Variants in DGKK observed in about 807,000 individuals in gnomAD.
The protein encoded by DGKK is 142 kDa diacylglycerol kinase.
A neutral mutation model predicts 92.2 loss-of-function variants in DGKK; 35 were observed. The ratio of observed to expected loss-of-function variants is 0.38; its 90% CI spans 0.29 to 0.50. The LOEUF is 0.50. Among genes scored for constraint, DGKK ranks in the 20% least tolerant of loss-of-function variants. DGKK has a pLI of 0.92. For synonymous variants in DGKK, 368 were observed against 360.6 expected, an observed-to-expected ratio of 1.02 and a Z score of -0.23; for missense variants, 910 against 992.2, an observed-to-expected ratio of 0.92 and a Z score of 1.11.
At chrX:50,403,027 A>C (rs1557226807) in intron 7 of DGKK, 34 bp downstream of exon 7, 3 of 1,201,878 alleles carry the variant, frequency 2.5e-6, no homozygotes, top group African/African-American at 1.8e-5. Context: ...CCAGGAGTTA[A>C]GTTCTCTAAA....
Position 50,378,223 on chromosome X carries a change from C to A in DGKK, c.2986G>T (p.Val996Leu), listed in dbSNP as rs367689666. ...HHHRIAQCHE[V>L]MITIDGEEGI... ...TCTTCACCATCAATGGTTATCATCACCTCATGGCACTGCCAGAGAAAATGA... is the reference window on the plus strand; with the variant it reads ...TCTTCACCATCAATGGTTATCATCAACTCATGGCACTGCCAGAGAAAATGA... The change falls in exon 22 of 28, where the codon GTG (valine) becomes TTG (leucine). Residue 996 changes from valine to leucine, a missense_variant. Physicochemically the swap from Val to Leu is conservative, Grantham distance 32. Transcript: ENST00000611977. 7 of 1,206,688 alleles carry A rather than the reference C, an allele frequency of 5.8e-6. No individual in the cohort carries two copies. In the African/African-American group the frequency reaches 1.1e-4, roughly 18 times the overall value.
intron 1 of DGKK, among the ~76,000 whole-genome samples, chrX:50,442,412 G>A (rs907173393): frequency 1.8e-5 from 2 of 111,148 alleles, no homozygotes; most frequent in African/African-American, 3.3e-5. Context: ...TAACAATGGG[G>A]CTGTAAAACC....
intron 8 of DGKK, among the ~76,000 whole-genome samples, chrX:50,394,806 A>G (rs1924798900): frequency 9.0e-6 from 1 of 111,650 alleles, no homozygotes; most frequent in Non-Finnish European, 1.9e-5. Context: ...GAAAGGGGGT[A>G]GATATTGGAA....
At position 50,371,790 on chromosome X, in the gene DGKK, A is replaced by G. The variant is rs782361543; in HGVS notation, c.3546T>C (p.Asp1182=). 6 of 1,207,863 alleles carry G rather than the reference A, an allele frequency of 5.0e-6. No individual in the cohort carries two copies. Among genetic ancestry groups the G allele is most frequent in the Middle Eastern group, 2.3e-4 (1 of 4,346 alleles). ...GCTTTTTGAACTCCTTATTCATGGC[A>G]TCCAGGGCGCTTTGTAGTGCAGTCT... is the stretch of plus-strand genomic sequence containing the variant. ...EDETALQSAL[D]AMNKEFKKLS... The change falls in exon 26 of 28, where the codon GAT becomes GAC. Residue 1182 remains aspartate (D), a synonymous_variant. Transcript: ENST00000611977.
intron 4 of DGKK, among the ~76,000 whole-genome samples, chrX:50,408,881 T>C (rs1445417267): frequency 8.9e-6 from 1 of 111,792 alleles, no homozygotes; most frequent in Non-Finnish European, 1.9e-5. Flanking sequence ...GATTTAACGC[T>C]GGAATGTGCT....
At position 50,448,188 on chromosome X, in the gene DGKK, C is replaced by CT. The variant is rs1214584838; in HGVS notation, c.645+21845dup. ...TAACCTTTTATTAAAGCTCCTTTCT[C>CT]TTTTTTTTTTCCATCTCATACCCAG... On this transcript the variant is annotated intron_variant, in intron 1 of 27. Coordinates refer to ENST00000611977, the MANE Select transcript of DGKK (RefSeq NM_001013742.4). Among the ~76,000 whole-genome samples, 39 of 107,617 alleles carry CT rather than the reference C, an allele frequency of 3.6e-4. No homozygotes were observed. In the East Asian group the frequency reaches 7.0e-3, roughly 19 times the overall value. 93.5% of individuals were successfully genotyped at this position (107,617 alleles called of 115,157 possible).
chrX:50,435,520 G>A (rs1199382511), intron 1 of DGKK, among the ~76,000 whole-genome samples: 1 of 112,130 alleles, frequency 8.9e-6, no homozygotes, highest in African/African-American at 3.2e-5. Flanking sequence ...ATTATAAAGA[G>A]GGGATGTGTG....
chrX:50,392,525 C>A (rs1321653069), intron 9 of DGKK, 76 bp from the exon 10 acceptor site: 1 of 818,526 alleles, frequency 1.2e-6, no homozygotes, highest in African/African-American at 2.0e-5. Context: ...TGTGTCAGGA[C>A]ACAAGGATTG....
At chrX:50,399,238 CTGTGTG>C (rs5902471) in intron 8 of DGKK, among the ~76,000 whole-genome samples, 103 of 106,303 alleles carry the variant, frequency 9.7e-4, no homozygotes, top group African/African-American at 2.9e-3. Context: ...TCTAGAGTGG[CTGTGTG>C]TGTGTGTGTG....
At chrX:50,393,888 C>G (rs962659941) in intron 8 of DGKK, among the ~76,000 whole-genome samples, 1 of 112,183 alleles carries the variant, frequency 8.9e-6, no homozygotes, top group Non-Finnish European at 1.9e-5. Context: ...AAGCAAAGAG[C>G]TTTAATCACT....
intron 1 of DGKK, among the ~76,000 whole-genome samples, chrX:50,433,279 G>C (rs1367735316): frequency 8.9e-6 from 1 of 111,852 alleles, no homozygotes. Context: ...AGATCTCCCT[G>C]CCCTGTTAGA....
rs782544067 is a variant in DGKK at position 50,420,511 on chromosome X, A to C, written c.838-4T>G. ...TTTTTCGTTGTGGTGTAATAACCTA[A>C]ACAAAAAGCCACATTATTAGCTGGT... is the stretch of plus-strand genomic sequence containing the variant. On this transcript the variant is annotated splice_region_variant and splice_polypyrimidine_tract_variant and intron_variant, in intron 3 of 27. Transcript: ENST00000611977. 11 of 1,205,396 alleles carry C rather than the reference A, an allele frequency of 9.1e-6. No individual in the cohort carries two copies. The East Asian group carries it at 3.3e-4, about 36-fold the overall frequency.
intron 1 of DGKK, among the ~76,000 whole-genome samples, chrX:50,451,557 A>G (rs1557232443): frequency 9.0e-6 from 1 of 111,558 alleles, no homozygotes; most frequent in East Asian, 2.8e-4. Context: ...TAGAATATAT[A>G]TATGAGATAG....
intron 4 of DGKK, among the ~76,000 whole-genome samples, chrX:50,419,841 C>T (rs376878949): frequency 2.2e-4 from 25 of 111,718 alleles, no homozygotes; most frequent in African/African-American, 8.1e-4. Flanking sequence ...AAGAACCCTG[C>T]TAAGCTTTGG....
chrX:50,429,086 C>G (rs1328338857), intron 1 of DGKK, among the ~76,000 whole-genome samples: 1 of 111,996 alleles, frequency 8.9e-6, no homozygotes, highest in Non-Finnish European at 1.9e-5. Flanking sequence ...CCTTGCCTAT[C>G]CCCTAAGAAG....
intron 1 of DGKK, among the ~76,000 whole-genome samples, chrX:50,454,322 C>CCT (rs1926559940): frequency 9.0e-6 from 1 of 111,128 alleles, no homozygotes; most frequent in Admixed American, 9.6e-5. Flanking sequence ...CAGTTATTGG[C>CCT]ACAGCGCTCA....
In DGKK at chrX:50,368,690, C is replaced by T; in HGVS notation, c.*250G>A. ...CTTATCCCAATAAATACTGTAGTTG[C>T]TCAAGATGCACAAAGAGAAGGAGAA... On this transcript the variant is annotated 3_prime_UTR_variant, in exon 28 of 28. Transcript: ENST00000611977. 1 of 328,663 alleles carries T rather than the reference C, an allele frequency of 3.0e-6. No homozygotes were observed. The allele number at this position is 328,663 out of a possible 1,213,427, so 27.1% of individuals were successfully genotyped here.
intron 1 of DGKK, among the ~76,000 whole-genome samples, chrX:50,440,943 A>G (rs1255035331): frequency 8.9e-6 from 1 of 111,900 alleles, no homozygotes; most frequent in Non-Finnish European, 1.9e-5. Flanking sequence ...TCTGCTTATT[A>G]TAGAGAAATT....
chrX:50,462,952 C>T (rs1188044693), intron 1 of DGKK, among the ~76,000 whole-genome samples: 2 of 74,758 alleles, frequency 2.7e-5, no homozygotes, highest in African/African-American at 1.0e-4. Context: ...ACATAAGGTC[C>T]CTGGGATAGG....
Sources: gnomAD v4.1 joint callset for allele counts (sites outside exome capture counted in the v4.1 genomes callset) on GRCh38, gnomAD v4.1.1 for gene constraint, MANE v1.5 for transcripts, NCBI Gene and HGNC (gene_info 2026-07-23, HGNC 2026-07-21) for gene names.